Variants in KANK1 observed in about 807,000 individuals in gnomAD.
The protein encoded by KANK1 is KN motif and ankyrin repeat domains 1, also known as KN motif and ankyrin repeat domain-containing protein 1.
KANK1 carries 109 observed loss-of-function variants against 106.2 expected under a neutral mutation model. That is an observed-to-expected ratio of 1.03 (90% CI 0.88 to 1.20). The LOEUF (loss-of-function observed/expected upper bound fraction) is 1.20. Among genes scored for constraint, KANK1 ranks in the 50% most tolerant of loss-of-function variants. The pLI is 0.00. For missense variants in KANK1, 2,399 were observed against 1,710.7 expected (o/e 1.40, Z -7.10); for synonymous variants, 873 against 652.2 (o/e 1.34, Z -5.16).
intron 1 of KANK1, among the ~76,000 whole-genome samples, chr9:583,548 G>C (rs575198906): frequency 2.0e-5 from 3 of 151,922 alleles, no homozygotes; most frequent in Non-Finnish European, 4.4e-5. Flanking sequence ...CTTCTATGAA[G>C]GATCCCTCAG....
chr9:631,042 G>A (rs1021697332), intron 1 of KANK1, among the ~76,000 whole-genome samples: 1 of 152,160 alleles, frequency 6.6e-6, no homozygotes, highest in African/African-American at 2.4e-5. Context: ...TGACTGGTTG[G>A]TAGAAATATG....
intron 3 of KANK1, among the ~76,000 whole-genome samples, chr9:488,284 G>C (rs1415804322): frequency 6.6e-6 from 1 of 151,862 alleles, no homozygotes; most frequent in Non-Finnish European, 1.5e-5. Context: ...GGAATGTGTG[G>C]CTCAAAGAGG....
intron 9 of KANK1, 53 bp from the exon 10 acceptor site, chr9:742,150 CCA>C: frequency 6.7e-7 from 1 of 1,485,772 alleles, no homozygotes. Context: ...CCACTAGAGG[CCA>C]CCACTGCCAG....
intron 1 of KANK1, among the ~76,000 whole-genome samples, chr9:661,395 A>G (rs577736625): frequency 3.9e-5 from 6 of 152,052 alleles, no homozygotes; most frequent in East Asian, 1.9e-4. Flanking sequence ...TGTCCTTGCA[A>G]TAGTTTGCTC....
chr9:575,125 C>T (rs1258025844), intron 1 of KANK1, among the ~76,000 whole-genome samples: 1 of 152,190 alleles, frequency 6.6e-6, no homozygotes, highest in Non-Finnish European at 1.5e-5. Flanking sequence ...CTTAAATGTT[C>T]TGACATATTT....
chr9:731,985 ATTGCCTAT>A (rs1482414931), intron 5 of KANK1: 2 of 161,436 alleles, frequency 1.2e-5, no homozygotes, highest in African/African-American at 4.9e-5. Context: ...AAAACTATCG[ATTGCCTAT>A]GTAATCTATT....
intron 1 of KANK1, among the ~76,000 whole-genome samples, chr9:578,050 C>G (rs960076189): frequency 6.6e-6 from 1 of 152,108 alleles, no homozygotes; most frequent in African/African-American, 2.4e-5. Context: ...GATGTGATCA[C>G]TTCCTCCACA....
intron 1 of KANK1, among the ~76,000 whole-genome samples, chr9:508,370 C>T (rs1327003186): frequency 6.6e-6 from 1 of 152,088 alleles, no homozygotes; most frequent in Non-Finnish European, 1.5e-5. Context: ...CTCCCGACCT[C>T]AGGTGATCCG....
At chr9:570,286 T>G (rs1587904137) in intron 1 of KANK1, among the ~76,000 whole-genome samples, 1 of 152,200 alleles carries the variant, frequency 6.6e-6, no homozygotes, top group Non-Finnish European at 1.5e-5. Context: ...CAATGAAAAT[T>G]TGATGTCCTT....
rs114674966 is a variant in KANK1, at chr9:538,445, A to C, written c.-84+33691A>C. Among the ~76,000 whole-genome samples the C allele has an allele frequency of 3.3e-3, 506 of 152,326 alleles. 1 individual carries two copies. The highest frequency in any genetic ancestry group is 0.011 in the African/African-American group (476 of 41,568). On this transcript the variant is annotated intron_variant, in intron 1 of 11. Coordinates refer to ENST00000382297, the MANE Select transcript of KANK1 (RefSeq NM_015158.5). ...GAAAAACATTTATAGCATTTCAGTAAAGATTACTCCATGATTGACAAAACA... is the reference window on the plus strand; with the variant it reads ...GAAAAACATTTATAGCATTTCAGTACAGATTACTCCATGATTGACAAAACA...
At chr9:577,524 T>C (rs1820900309) in intron 1 of KANK1, among the ~76,000 whole-genome samples, 1 of 152,120 alleles carries the variant, frequency 6.6e-6, no homozygotes, top group Admixed American at 6.5e-5. Context: ...ACAGAAAAGT[T>C]CTCCAAGTCC....
At chr9:501,643 C>A (rs1040882666), upstream of KANK1, among the ~76,000 whole-genome samples, 7 of 151,806 alleles carry the variant, frequency 4.6e-5, no homozygotes, top group East Asian at 1.9e-4. Context: ...CACACACACC[C>A]CAATTGCTTG....
chr9:603,491 T>C (rs1477191900), intron 1 of KANK1, among the ~76,000 whole-genome samples: 1 of 151,866 alleles, frequency 6.6e-6, no homozygotes, highest in Non-Finnish European at 1.5e-5. Flanking sequence ...TTGGTGCCTT[T>C]AGACCTAGTT....
chr9:505,533 C>T (rs1221167271), intron 1 of KANK1, among the ~76,000 whole-genome samples: 1 of 152,212 alleles, frequency 6.6e-6, no homozygotes, highest in African/African-American at 2.4e-5. Context: ...TCGCGGCAGC[C>T]ACGGCTCCTT....
chr9:556,571 C>G (rs951085918), intron 1 of KANK1, among the ~76,000 whole-genome samples: 10 of 152,144 alleles, frequency 6.6e-5, no homozygotes, highest in Admixed American at 2.0e-4. Flanking sequence ...TTTTTAGTAA[C>G]TGTTTCTCAT....
intron 3 of KANK1, among the ~76,000 whole-genome samples, chr9:490,100 G>A (rs968087148): frequency 3.3e-5 from 5 of 152,174 alleles, no homozygotes; most frequent in African/African-American, 9.7e-5. Context: ...CTTGGCCAGC[G>A]GAAATACTTC....
At chr9:605,252 G>T (rs145599255) in intron 1 of KANK1, among the ~76,000 whole-genome samples, 1 of 138,150 alleles carries the variant, frequency 7.2e-6, no homozygotes, top group East Asian at 2.1e-4. Flanking sequence ...AGTGAGCCCA[G>T]ATTGAACCAC....
At chr9:695,879 T>C (rs1195709346) in intron 2 of KANK1, among the ~76,000 whole-genome samples, 1 of 152,180 alleles carries the variant, frequency 6.6e-6, no homozygotes, top group Non-Finnish European at 1.5e-5. Flanking sequence ...TTCAAATCAC[T>C]ACATCTCTTC....
intron 1 of KANK1, among the ~76,000 whole-genome samples, chr9:669,473 G>C (rs1845414648): frequency 6.6e-6 from 1 of 151,990 alleles, no homozygotes. Flanking sequence ...GGATATTTCT[G>C]CTGTTTGCTG....
Sources: allele counts gnomAD v4.1 joint callset (sites outside exome capture counted in the v4.1 genomes callset), GRCh38; gene constraint gnomAD v4.1.1; transcripts MANE v1.5; gene names NCBI Gene and HGNC (gene_info 2026-07-23, HGNC 2026-07-21).